The following NUMBL variants were observed in gnomAD, a reference collection of about 807,000 sequenced individuals.
NUMBL encodes numb-like protein.
In NUMBL, 20 loss-of-function variants were observed where a neutral mutation model predicts 48.9. The ratio of observed to expected loss-of-function variants is 0.41; its 90% confidence interval spans 0.29 to 0.59. The LOEUF (loss-of-function observed/expected upper bound fraction) is 0.59, where lower values mean the gene tolerates loss of function less well. Among genes scored for constraint, NUMBL ranks in the 20% least tolerant of loss-of-function variants. The pLI, the probability that NUMBL is intolerant of heterozygous loss-of-function variation, is 0.31. For missense variants in NUMBL, 660 were observed against 846.2 expected, an observed-to-expected ratio of 0.78 and a Z score of 2.73; for synonymous variants, 340 against 348.7, an observed-to-expected ratio of 0.98 and a Z score of 0.28.
At chr19:40,668,687 T>C (rs1450552004) in intron 9 of NUMBL, among the ~76,000 whole-genome samples, 2 of 152,126 alleles carry the variant, frequency 1.3e-5, no homozygotes, top group African/African-American at 4.8e-5. Context: ...CTCGAACTCC[T>C]ACCTCAAGTA....
intron 2 of NUMBL, among the ~76,000 whole-genome samples, chr19:40,686,609 G>A (rs960851166): frequency 3.3e-5 from 5 of 152,138 alleles, no homozygotes; most frequent in African/African-American, 9.7e-5. Flanking sequence ...TTCAGCATGT[G>A]TTCAAGTGTG....
intron 5 of NUMBL, among the ~76,000 whole-genome samples, chr19:40,681,527 G>C (rs541236808): frequency 6.6e-6 from 1 of 152,268 alleles, no homozygotes; most frequent in East Asian, 1.9e-4. Flanking sequence ...TCTGGGCTGG[G>C]GGCAGCAGAT....
chr19:40,684,062 C>G (rs1352274920), intron 3 of NUMBL: 3 of 199,434 alleles, frequency 1.5e-5, no homozygotes, highest in Non-Finnish European at 2.9e-5. Flanking sequence ...CACCACTACG[C>G]TTCAAGTTTT....
intron 8 of NUMBL, among the ~76,000 whole-genome samples, chr19:40,672,737 G>C (rs1311721690): frequency 6.6e-6 from 1 of 152,198 alleles, no homozygotes; most frequent in Non-Finnish European, 1.5e-5. Context: ...AGCAGACATT[G>C]CTAATTGATC....
rs1183872891 is a variant in NUMBL at position 40,687,999 on chromosome 19, C to T, written c.25-1004G>A. Among the ~76,000 whole-genome samples the T allele has an allele frequency of 6.6e-6, 1 of 152,194 alleles. No individual in the cohort carries two copies. The highest frequency in any genetic ancestry group is 1.5e-5 in the Non-Finnish European group (1 of 68,034). On this transcript the variant is annotated intron_variant, in intron 1 of 9. Coordinates refer to ENST00000252891, the MANE Select transcript of NUMBL (RefSeq NM_004756.5). This position sits in a 1 kb window ranked among gnomAD's most constrained non-coding sequence, Gnocchi z 4.6. The stretch of plus-strand genomic sequence containing the variant: ...GTCACACAGTCTATTGTGACAGCCA[C>T]ACTCATAGGGACAGTCCTCTATACA...
chr19:40,679,226 CA>C (rs2081893212), intron 6 of NUMBL, among the ~76,000 whole-genome samples: 1 of 151,684 alleles, frequency 6.6e-6, no homozygotes, highest in African/African-American at 2.4e-5. Context: ...CCCATCTCTA[CA>C]AAAAATTAGC....
In NUMBL at chr19:40,667,852, T is replaced by C. The variant is rs764297173; in HGVS notation, c.1446A>G (p.Pro482=). 6.3e-7 allele frequency: 1 copy of C among 1,589,382 alleles called. No homozygotes were observed. Among genetic ancestry groups the C allele is most frequent in the East Asian group, 2.3e-5 (1 of 43,466 alleles). ...AAPAQVAVFL[P]PPHMQPPFVP... ...CAAAAGGGGGCTGCATGTGTGGGGGTGGCAGGAACACGGCCACTTGGGCAG... is the reference window on the plus strand; with the variant it reads ...CAAAAGGGGGCTGCATGTGTGGGGGCGGCAGGAACACGGCCACTTGGGCAG... The change falls in exon 10 of 10, where the codon CCA becomes CCG. Residue 482 remains proline (P), a synonymous_variant. Coordinates refer to ENST00000252891, the MANE Select transcript of NUMBL (RefSeq NM_004756.5). The surrounding 1 kb of genome is among the most constrained non-coding windows in gnomAD (Gnocchi z 6.1).
chr19:40,671,612 C>T (rs1330612269), intron 8 of NUMBL, among the ~76,000 whole-genome samples: 14 of 152,136 alleles, frequency 9.2e-5, no homozygotes, highest in African/African-American at 3.1e-4. Flanking sequence ...AGGGAGCGTG[C>T]GTCACTCTCA....
chr19:40,690,360 C>A, intron 1 of NUMBL, 100 bp downstream of exon 1: 3 of 682,790 alleles, frequency 4.4e-6, no homozygotes, highest in Non-Finnish European at 6.2e-6. Flanking sequence ...CCAGCCTTGG[C>A]ACCCTCTCTC....
Position 40,687,766 on chromosome 19 carries a change from C to T in NUMBL, c.25-771G>A, listed in dbSNP as rs2081942378. 1.3e-5 allele frequency among the ~76,000 whole-genome samples: 2 copies of T among 152,186 alleles called. No individual in the cohort carries two copies. Among genetic ancestry groups the T allele is most frequent in the South Asian group, 2.1e-4 (1 of 4,832 alleles). On this transcript the variant is annotated intron_variant, in intron 1 of 9. Coordinates refer to ENST00000252891, the MANE Select transcript of NUMBL (RefSeq NM_004756.5). This position sits in a 1 kb window ranked among gnomAD's most constrained non-coding sequence, Gnocchi z 4.6. ...CTGACCCAGTCCCACACGACACAAT[C>T]GCAGCTATATACACTTGTTACACGT... is the stretch of plus-strand genomic sequence containing the variant.
At chr19:40,675,622 T>C (rs2144655084) in intron 7 of NUMBL, among the ~76,000 whole-genome samples, 1 of 147,168 alleles carries the variant, frequency 6.8e-6, no homozygotes, top group African/African-American at 2.6e-5. Flanking sequence ...CACAGAGTTT[T>C]AGAACTTACA....
chr19:40,677,955 G>A (rs929310263), intron 6 of NUMBL, among the ~76,000 whole-genome samples: 3 of 152,130 alleles, frequency 2.0e-5, no homozygotes, highest in Non-Finnish European at 2.9e-5. Flanking sequence ...TAGGGGTTTC[G>A]TTACATGGGT....
intron 3 of NUMBL, among the ~76,000 whole-genome samples, chr19:40,683,291 T>C (rs890721590): frequency 6.6e-6 from 1 of 152,138 alleles, no homozygotes; most frequent in Admixed American, 6.5e-5. Context: ...CAAAGCTGCT[T>C]TGCCTACCCT....
chr19:40,673,339 C>T lies in NUMBL; in HGVS notation c.1036+5G>A. 6.2e-7 allele frequency: 1 copy of T among 1,606,412 alleles called. No individual in the cohort carries two copies. Among genetic ancestry groups the T allele is most frequent in the Non-Finnish European group, 8.5e-7 (1 of 1,174,730 alleles). On this transcript the variant is annotated splice_donor_5th_base_variant and intron_variant, in intron 8 of 9. Coordinates refer to ENST00000252891, the MANE Select transcript of NUMBL (RefSeq NM_004756.5). This position sits in a 1 kb window ranked among gnomAD's most constrained non-coding sequence, Gnocchi z 5.9. ...ACGCCGTTTCCCACTGGGCCCAGGG[C>T]TCACCTGTGCCCTTCACCTGGAAGT...
intron 6 of NUMBL, among the ~76,000 whole-genome samples, chr19:40,678,019 T>C (rs1384585181): frequency 6.6e-6 from 1 of 152,190 alleles, no homozygotes; most frequent in African/African-American, 2.4e-5. Context: ...TGCATTGCTA[T>C]AGACTAAACG....
intron 6 of NUMBL, among the ~76,000 whole-genome samples, chr19:40,678,174 T>G (rs1188046082): frequency 6.6e-6 from 1 of 152,084 alleles, no homozygotes; most frequent in Non-Finnish European, 1.5e-5. Context: ...TTTATTTATT[T>G]TTTTTCTGGG....
rs1057496989 is a variant in NUMBL at position 40,687,619 on chromosome 19, C to T, written c.25-624G>A. On this transcript the variant is annotated intron_variant, in intron 1 of 9. Transcript: ENST00000252891. The surrounding 1 kb of genome is among the most constrained non-coding windows in gnomAD (Gnocchi z 4.6). ...CATACAAAGAACGGGGCCCAGACAA[C>T]CCACTAGAGCCGCACATGCGTGGCC... 6.6e-6 allele frequency among the ~76,000 whole-genome samples: 1 copy of T among 152,156 alleles called. No homozygotes were observed. Among genetic ancestry groups the T allele is most frequent in the Non-Finnish European group, 1.5e-5 (1 of 68,030 alleles).
intron 3 of NUMBL, among the ~76,000 whole-genome samples, chr19:40,683,579 C>T (rs1443330014): frequency 6.6e-6 from 1 of 152,202 alleles, no homozygotes; most frequent in East Asian, 1.9e-4. Flanking sequence ...GGGGCTGTGA[C>T]CATGGTCAGT....
chr19:40,672,686 C>T (rs1179282118), intron 8 of NUMBL, among the ~76,000 whole-genome samples: 1 of 152,216 alleles, frequency 6.6e-6, no homozygotes, highest in African/African-American at 2.4e-5. Flanking sequence ...GACTGCTAAC[C>T]GATCATGATG....
Sources: gnomAD v4.1 joint callset for allele counts (sites outside exome capture counted in the v4.1 genomes callset) on GRCh38, gnomAD v4.1.1 for gene constraint, Gnocchi (gnomAD v3.1) non-coding constraint, MANE v1.5 for transcripts, NCBI Gene and HGNC (gene_info 2026-07-23, HGNC 2026-07-21) for gene names.